DCDC2: variants seen among roughly 807,000 people sequenced by gnomAD.
DCDC2 encodes the protein doublecortin domain-containing protein 2.
In DCDC2, 40 loss-of-function variants were observed where a neutral mutation model predicts 50.2. The observed-to-expected ratio is 0.80, with a 90% CI of 0.62 to 1.04. DCDC2 has a LOEUF of 1.04. Ranked by LOEUF, DCDC2 falls within the 50% of genes least tolerant of loss-of-function variation. The probability of loss-of-function intolerance (pLI) is 0.00; values close to 1 mark genes in which losing one functional copy is unlikely to be tolerated. For synonymous variants in DCDC2, 234 were observed against 210.6 expected (o/e 1.11, Z -0.96); for missense variants, 570 against 581.9 (o/e 0.98, Z 0.21).
chr6:24,360,226 A>G (rs1760643531), upstream of DCDC2, among the ~76,000 whole-genome samples: 1 of 152,184 alleles, frequency 6.6e-6, no homozygotes, highest in Non-Finnish European at 1.5e-5. Flanking sequence ...TCCTTGGGAT[A>G]TGCTGGCTGC....
intron 7 of DCDC2, among the ~76,000 whole-genome samples, chr6:24,230,394 C>T (rs1762315894): frequency 6.6e-6 from 1 of 152,108 alleles, no homozygotes; most frequent in South Asian, 2.1e-4. Context: ...ATAATCCCAG[C>T]ATTTTGGGAG....
At chr6:24,207,759 A>T (rs956532848) in intron 7 of DCDC2, among the ~76,000 whole-genome samples, 1 of 152,114 alleles carries the variant, frequency 6.6e-6, no homozygotes, top group Non-Finnish European at 1.5e-5. Context: ...GACAAAAGAC[A>T]AGCCCCGGTT....
At position 24,174,829 on chromosome 6, in the gene DCDC2, A is replaced by C. The variant is rs759063204; in HGVS notation, c.1332T>G (p.Asp444Glu). The change falls in exon 10 of 10, where the codon GAT (aspartate) becomes GAG (glutamate). Residue 444 changes from aspartate to glutamate, a missense_variant. By Grantham distance (45) the Asp-to-Glu change is conservative. Transcript: ENST00000378454. ...GCCTTGGTGGTCTTTGAGGGTCTACATCAGCCTAGAAGAAAATAGATCAAA... is the reference window on the plus strand; with the variant it reads ...GCCTTGGTGGTCTTTGAGGGTCTACCTCAGCCTAGAAGAAAATAGATCAAA... ...QGAGSGQDEA[D>E]VDPQRPPRPE... 1.2e-6 allele frequency: 2 copies of C among 1,609,844 alleles called. No individual in the cohort carries two copies. Among genetic ancestry groups the C allele is most frequent in the Admixed American group, 1.7e-5 (1 of 59,974 alleles).
At chr6:24,375,648 G>A in the DCDC2 span, among the ~76,000 whole-genome samples, 1 of 152,030 alleles carries the variant, frequency 6.6e-6, no homozygotes, top group Non-Finnish European at 1.5e-5. Context: ...TTAGCCTCTG[G>A]TCACTGTCTG....
At chr6:24,343,584 C>A (rs1760200815) in intron 2 of DCDC2, among the ~76,000 whole-genome samples, 1 of 152,142 alleles carries the variant, frequency 6.6e-6, no homozygotes, top group African/African-American at 2.4e-5. Context: ...TTGATTTTCT[C>A]ACAAGTGCAC....
intron 7 of DCDC2, among the ~76,000 whole-genome samples, chr6:24,218,822 A>G (rs1762037887): frequency 6.6e-6 from 1 of 152,166 alleles, no homozygotes; most frequent in Non-Finnish European, 1.5e-5. Context: ...ACCTTTGGGG[A>G]AAAAAAGAAA....
chr6:24,358,035 G>C lies in DCDC2; in HGVS notation c.-285C>G. Reference sequence around the variant, plus strand: ...CACCACACCAGGTTCACCTGCTACGGGCAGAATCAAGGTGGACAGCTTCTG... The same window carrying C: ...CACCACACCAGGTTCACCTGCTACGCGCAGAATCAAGGTGGACAGCTTCTG... On this transcript the variant is annotated 5_prime_UTR_variant, in exon 1 of 10. Transcript: ENST00000378454. The C allele has an allele frequency of 1.7e-6, 2 of 1,189,164 alleles. No individual in the cohort carries two copies. Among genetic ancestry groups the C allele is most frequent in the South Asian group, 3.4e-5 (2 of 59,176 alleles). 73.7% of individuals were successfully genotyped at this position (1,189,164 alleles called of 1,614,324 possible).
At chr6:24,378,142 G>T in the DCDC2 span, among the ~76,000 whole-genome samples, 4 of 152,330 alleles carry the variant, frequency 2.6e-5, no homozygotes, top group Middle Eastern at 3.4e-3. Context: ...ACCAGACCCA[G>T]TAAAAATACA....
intron 4 of DCDC2, among the ~76,000 whole-genome samples, chr6:24,297,533 T>G (rs1759279422): frequency 6.6e-6 from 1 of 152,236 alleles, no homozygotes; most frequent in South Asian, 2.1e-4. Flanking sequence ...CTTTCATTTC[T>G]ATATTTTTAC....
chr6:24,210,019 G>GGTGTGTGTGTGTGTGTGTGTGTGTGT (rs71002475), intron 7 of DCDC2, among the ~76,000 whole-genome samples: 5 of 145,198 alleles, frequency 3.4e-5, no homozygotes, highest in African/African-American at 1.3e-4. Flanking sequence ...GCAGTATCAG[G>GGTGTGTGTGTGTGTGTGTGTGTGTGT]GTGTGTGTGT....
chr6:24,321,206 G>T (rs1759768744), intron 2 of DCDC2, among the ~76,000 whole-genome samples: 1 of 142,938 alleles, frequency 7.0e-6, no homozygotes, highest in African/African-American at 2.6e-5. Flanking sequence ...AAGAAATAAT[G>T]AAAATAGAAA....
intron 1 of DCDC2, chr6:24,357,198 T>C (rs1760485651): frequency 2.7e-6 from 1 of 368,920 alleles, no homozygotes; most frequent in East Asian, 4.2e-5. Flanking sequence ...GATACCTTTT[T>C]ATTTTCTTTA....
chr6:24,172,569 C>A lies in DCDC2; in HGVS notation c.*2161G>T, dbSNP rs1285355954. The A allele has an allele frequency of 1.3e-5, 2 of 152,094 alleles. No homozygotes were observed. The highest frequency in any genetic ancestry group is 2.9e-5 in the Non-Finnish European group (2 of 68,020). 9.4% of individuals were successfully genotyped at this position (152,094 alleles called of 1,614,324 possible). A position where few individuals can be genotyped will look rare whatever the true frequency, so the allele number is the denominator to read the frequency against. ...GAGGAGGAAAAGAGAAAGAGAAACT[C>A]TCCATTGAAGAAACAAAAGAGAATC... On this transcript the variant is annotated 3_prime_UTR_variant, in exon 10 of 10. Transcript: ENST00000378454.
chr6:24,308,688 AG>A (rs1463641361), intron 2 of DCDC2, among the ~76,000 whole-genome samples: 1 of 152,218 alleles, frequency 6.6e-6, no homozygotes, highest in Non-Finnish European at 1.5e-5. Context: ...TCAGTAGAAA[AG>A]GTGGAAAAAT....
chr6:24,235,059 G>A (rs61209944), intron 7 of DCDC2, among the ~76,000 whole-genome samples: 6,130 of 152,236 alleles, frequency 0.04, 266 homozygotes, highest in African/African-American at 0.11. Context: ...AAAAAGATAT[G>A]ATTTGACAGC....
At chr6:24,292,508 A>G (rs1232284125) in intron 4 of DCDC2, among the ~76,000 whole-genome samples, 1 of 152,226 alleles carries the variant, frequency 6.6e-6, no homozygotes. Flanking sequence ...CTCTTTCTTT[A>G]TAACATTGTA....
chr6:24,225,952 T>A (rs1762225466), intron 7 of DCDC2, among the ~76,000 whole-genome samples: 1 of 152,194 alleles, frequency 6.6e-6, no homozygotes, highest in Admixed American at 6.5e-5. Flanking sequence ...TTGTGAACCA[T>A]TTACATCTAA....
chr6:24,373,757 G>T, the DCDC2 span, among the ~76,000 whole-genome samples: 1 of 152,146 alleles, frequency 6.6e-6, no homozygotes, highest in Non-Finnish European at 1.5e-5. Context: ...GTTCACATAC[G>T]TTTACAAATA....
chr6:24,255,356 C>A (rs1762879523), intron 7 of DCDC2, among the ~76,000 whole-genome samples: 1 of 145,190 alleles, frequency 6.9e-6, no homozygotes, highest in Admixed American at 6.9e-5. Context: ...AGTTTATATC[C>A]AAGTCATAGC....
Sources: allele counts gnomAD v4.1 joint callset (sites outside exome capture counted in the v4.1 genomes callset), GRCh38; gene constraint gnomAD v4.1.1; transcripts MANE v1.5; gene names NCBI Gene and HGNC (gene_info 2026-07-23, HGNC 2026-07-21).